KCNT1: variants seen among roughly 807,000 people sequenced by gnomAD.
The protein encoded by KCNT1 is potassium sodium-activated channel subfamily T member 1.
A neutral mutation model predicts 147.8 loss-of-function variants in KCNT1; 78 were observed. The ratio of observed to expected loss-of-function variants is 0.53; its 90% CI spans 0.44 to 0.64. The LOEUF (loss-of-function observed/expected upper bound fraction) is 0.64. Among genes scored for constraint, KCNT1 ranks in the 30% least tolerant of loss-of-function variants. The pLI, the probability that KCNT1 is intolerant of heterozygous loss-of-function variation, is 0.00. For synonymous variants in KCNT1, 867 were observed against 748.8 expected (o/e 1.16, Z -2.58); for missense variants, 1,419 against 1,750.3 (o/e 0.81, Z 3.38).
chr9:135,731,991 T>TATATATAGAG (rs1276318460), intron 2 of KCNT1, among the ~76,000 whole-genome samples: 31 of 21,718 alleles, frequency 1.4e-3, no homozygotes, highest in South Asian at 2.2e-3. Flanking sequence ...TATATATATA[T>TATATATAGAG]AGAGAGAGAG....
chr9:135,777,810 GCTC>G (rs942928898), intron 21 of KCNT1, among the ~76,000 whole-genome samples: 6 of 144,102 alleles, frequency 4.2e-5, no homozygotes, highest in African/African-American at 1.3e-4. Context: ...CCAACTCCCA[GCTC>G]CTCCTTGCTT....
At chr9:135,780,069 C>T (rs1833496091) in intron 24 of KCNT1, among the ~76,000 whole-genome samples, 1 of 152,220 alleles carries the variant, frequency 6.6e-6, no homozygotes, top group African/African-American at 2.4e-5. Flanking sequence ...TGAAGGGCAC[C>T]ACCCAGGGTC....
chr9:135,741,777 T>C (rs11103154), intron 2 of KCNT1, among the ~76,000 whole-genome samples: 21,026 of 152,328 alleles, frequency 0.14, 1,629 homozygotes, highest in South Asian at 0.17. Flanking sequence ...CTCAGAAGAC[T>C]GTGGTCCTCT....
chr9:135,780,482 G>T (rs1424597983), intron 24 of KCNT1, among the ~76,000 whole-genome samples: 7 of 152,212 alleles, frequency 4.6e-5, no homozygotes, highest in Non-Finnish European at 2.9e-5. Context: ...AGTGTGTTCC[G>T]GCCAGCCGTG....
chr9:135,777,086 CCACATGTT>C (rs1833222140), intron 20 of KCNT1, among the ~76,000 whole-genome samples: 1 of 152,254 alleles, frequency 6.6e-6, no homozygotes, highest in South Asian at 2.1e-4. Flanking sequence ...CATGCCAAAA[CCACATGTT>C]CACATGGACA....
intron 2 of KCNT1, 36 bp from the exon 3 acceptor site, chr9:135,750,062 G>C (rs764463118): frequency 1.3e-6 from 2 of 1,565,556 alleles, no homozygotes; most frequent in Non-Finnish European, 1.8e-6. Context: ...AGTCCCCACT[G>C]GCCCTGAGCC....
At chr9:135,718,149 A>T (rs1241983511) in intron 2 of KCNT1, among the ~76,000 whole-genome samples, 1 of 152,106 alleles carries the variant, frequency 6.6e-6, no homozygotes, top group Admixed American at 6.5e-5. Flanking sequence ...AAGCCATCCC[A>T]TATCTCCTCA....
At chr9:135,719,267 C>T (rs1835831890) in intron 2 of KCNT1, among the ~76,000 whole-genome samples, 2 of 152,192 alleles carry the variant, frequency 1.3e-5, no homozygotes, top group Admixed American at 1.3e-4. Context: ...GTTAACAGCC[C>T]CCAAAGGGCA....
At chr9:135,758,367 C>A (rs148458008) in intron 9 of KCNT1, 47 bp from the exon 10 acceptor site, 1 of 1,395,220 alleles carries the variant, frequency 7.2e-7, no homozygotes, top group East Asian at 2.3e-5. Flanking sequence ...TGGCTCCTGG[C>A]GGGGTCCACA....
intron 2 of KCNT1, among the ~76,000 whole-genome samples, chr9:135,743,773 G>T (rs1830676089): frequency 6.6e-6 from 1 of 152,238 alleles, no homozygotes; most frequent in Admixed American, 6.5e-5. Context: ...GGCCCAGCTG[G>T]ACTCACCCTT....
chr9:135,746,436 G>A lies in KCNT1; in HGVS notation c.255-3662G>A, dbSNP rs538525015. Among the ~76,000 whole-genome samples the A allele has an allele frequency of 2.7e-4, 41 of 152,346 alleles. No homozygotes were observed. The East Asian group carries it at 4.3e-3, about 16-fold the overall frequency. ...GCCTCAAAGAGAAGCTGCTGGGGGC[G>A]CGACTAGTCCCAGACCAGCAGCCCT... On this transcript the variant is annotated intron_variant, in intron 2 of 30. Coordinates refer to ENST00000371757, the MANE Select transcript of KCNT1 (RefSeq NM_020822.3).
intron 3 of KCNT1, 139 bp downstream of exon 3, chr9:135,750,316 C>A: frequency 5.1e-4 from 255 of 496,442 alleles, no homozygotes; most frequent in East Asian, 1.1e-3. Flanking sequence ...GCTGCGGGGG[C>A]ATTTGGAAGC....
At chr9:135,713,710 A>G (rs1239953256) in intron 1 of KCNT1, among the ~76,000 whole-genome samples, 3 of 152,120 alleles carry the variant, frequency 2.0e-5, no homozygotes, top group African/African-American at 7.2e-5. Context: ...GGCCTGGGCC[A>G]GGTAAGGAGC....
At chr9:135,773,352 T>G (rs1832893393) in intron 19 of KCNT1, among the ~76,000 whole-genome samples, 1 of 152,142 alleles carries the variant, frequency 6.6e-6, no homozygotes, top group South Asian at 2.1e-4. Flanking sequence ...TGAATCAGGA[T>G]GGAGCTGGGC....
rs146087255 is a variant in KCNT1, at chr9:135,778,325, C to A, written c.2523-99C>A. 1.3e-3 allele frequency: 1,407 copies of A among 1,109,282 alleles called. 13 individuals carry two copies. The African/African-American group carries it at 0.018, about 15-fold the overall frequency. The allele number at this position is 1,109,282 out of a possible 1,614,324, so 68.7% of individuals were successfully genotyped here. ...ACGCTGCGGTTCTGGGGAACCCCTGCCTGGCCCAGCTCTGTGCATGGAGGG... is the reference window on the plus strand; with the variant it reads ...ACGCTGCGGTTCTGGGGAACCCCTGACTGGCCCAGCTCTGTGCATGGAGGG... On this transcript the variant is annotated intron_variant, in intron 21 of 30. Coordinates refer to ENST00000371757, the MANE Select transcript of KCNT1 (RefSeq NM_020822.3).
chr9:135,792,053 C>G lies in KCNT1; in HGVS notation c.3600C>G (p.Arg1200=), dbSNP rs144658404. 3 of 1,604,154 alleles carry G rather than the reference C, an allele frequency of 1.9e-6. No individual in the cohort carries two copies. Among genetic ancestry groups the G allele is most frequent in the East Asian group, 2.2e-5 (1 of 44,852 alleles). The change falls in exon 31 of 31, where the codon CGC becomes CGG. Residue 1200 remains arginine (R), a synonymous_variant. Transcript: ENST00000371757. The part of the protein sequence containing the change: ...LEPSDIVYLI[R]SDPLAHVASS... ...TGCCCTCCCGCAGCTATCTCATCCG[C>G]TCCGACCCCCTGGCTCACGTGGCCA...
intron 2 of KCNT1, among the ~76,000 whole-genome samples, chr9:135,747,448 G>GC (rs147310099): frequency 0.039 from 5,959 of 152,116 alleles, 427 homozygotes; most frequent in East Asian, 0.31. Context: ...CCTGGGCTCA[G>GC]CCCCCGGGGG....
intron 29 of KCNT1, chr9:135,788,149 G>C (rs1834215203): frequency 1.9e-6 from 3 of 1,612,702 alleles, no homozygotes; most frequent in Non-Finnish European, 2.5e-6. Flanking sequence ...GGGTAAACCT[G>C]GGATATTTGC....
At chr9:135,706,162 G>T (rs545563064) in intron 1 of KCNT1, among the ~76,000 whole-genome samples, 3 of 152,286 alleles carry the variant, frequency 2.0e-5, no homozygotes, top group Admixed American at 2.0e-4. Context: ...GAATGGGAGT[G>T]CTAGCATGGA....
Sources: gnomAD v4.1 joint callset for allele counts (sites outside exome capture counted in the v4.1 genomes callset) on GRCh38, gnomAD v4.1.1 for gene constraint, MANE v1.5 for transcripts, NCBI Gene and HGNC (gene_info 2026-07-23, HGNC 2026-07-21) for gene names.